GOLT1A: variants seen among roughly 807,000 people sequenced by gnomAD.
GOLT1A encodes the protein vesicle transport protein GOT1A.
A neutral mutation model predicts 16.1 loss-of-function variants in GOLT1A; 10 were observed. The ratio of observed to expected loss-of-function variants is 0.62; its 90% CI spans 0.38 to 1.05. GOLT1A has a LOEUF of 1.05. Ranked by LOEUF, GOLT1A falls within the 50% of genes least tolerant of loss-of-function variation. The probability of loss-of-function intolerance (pLI) is 0.01; values close to 1 mark genes in which losing one functional copy is unlikely to be tolerated. For missense variants in GOLT1A, 137 were observed against 165.7 expected (o/e 0.83, Z 0.95); for synonymous variants, 60 against 67.9 (o/e 0.88, Z 0.57).
chr1:204,202,670 C>T (rs564848094), intron 2 of GOLT1A, among the ~76,000 whole-genome samples: 1 of 152,234 alleles, frequency 6.6e-6, no homozygotes, highest in African/African-American at 2.4e-5. Flanking sequence ...TCCTCAGATT[C>T]TTGGTGCCAG....
chr1:204,208,317 C>T (rs578185043), intron 1 of GOLT1A, among the ~76,000 whole-genome samples: 1 of 146,880 alleles, frequency 6.8e-6, no homozygotes, highest in African/African-American at 2.6e-5. Context: ...TATACACACA[C>T]ATATACATAT....
chr1:204,207,766 C>T (rs1055435463), intron 1 of GOLT1A, among the ~76,000 whole-genome samples: 2 of 152,128 alleles, frequency 1.3e-5, no homozygotes, highest in Admixed American at 6.5e-5. Flanking sequence ...TTTTCTTGAA[C>T]CATTTGAAAG....
rs1207572209 is a variant in GOLT1A, at chr1:204,208,440, A to ATG, written c.25+5440_25+5441dup. Among the ~76,000 whole-genome samples the ATG allele has an allele frequency of 5.6e-4, 45 of 80,830 alleles. 1 individual carries two copies. Among genetic ancestry groups the ATG allele is most frequent in the Non-Finnish European group, 1.3e-3 (42 of 31,964 alleles). The allele number at this position is 80,830 out of a possible 152,430, so 53.0% of individuals were successfully genotyped here. ...TATACATATGTGTATATGTATACAT[A>ATG]TGTGTGTATATATGTATACTTGTGT... On this transcript the variant is annotated intron_variant, in intron 1 of 4. Transcript: ENST00000308302.
At chr1:204,198,715 A>G (rs1658903182) in intron 4 of GOLT1A, among the ~76,000 whole-genome samples, 1 of 152,100 alleles carries the variant, frequency 6.6e-6, no homozygotes, top group Admixed American at 6.5e-5. Flanking sequence ...CTTCAGAGAA[A>G]GGGATAAGGA....
chr1:204,200,521 T>A (rs1658940828), intron 3 of GOLT1A, among the ~76,000 whole-genome samples: 1 of 151,208 alleles, frequency 6.6e-6, no homozygotes, highest in African/African-American at 2.4e-5. Context: ...AGAAACAGGG[T>A]TTCACTATGT....
At chr1:204,205,010 G>A (rs1659018244) in intron 1 of GOLT1A, among the ~76,000 whole-genome samples, 1 of 152,110 alleles carries the variant, frequency 6.6e-6, no homozygotes, top group African/African-American at 2.4e-5. Flanking sequence ...TTTTTAAACA[G>A]GTTGTTCTTT....
At chr1:204,213,768 C>A in intron 1 of GOLT1A, 114 bp downstream of exon 1, 1 of 1,236,386 alleles carries the variant, frequency 8.1e-7, no homozygotes. Context: ...CATCTCCCAG[C>A]CCCTGGCTCC....
At chr1:204,206,327 C>T (rs563574059) in intron 1 of GOLT1A, among the ~76,000 whole-genome samples, 1 of 152,356 alleles carries the variant, frequency 6.6e-6, no homozygotes, top group South Asian at 2.1e-4. Flanking sequence ...TTGTTTCCTA[C>T]TTCTACCTCC....
At chr1:204,199,802 C>G (rs879619835) in intron 3 of GOLT1A, among the ~76,000 whole-genome samples, 1 of 152,186 alleles carries the variant, frequency 6.6e-6, no homozygotes, top group Non-Finnish European at 1.5e-5. Context: ...CAACCCTGCT[C>G]TCATCAAAGA....
In GOLT1A at chr1:204,198,236, C is replaced by T. The variant is rs1658892474; in HGVS notation, c.*222G>A. ...TAGAGTGAGGGTGTGATACCAGCCC[C>T]AGCCCAGTCTCCTTGGGGTCTGCAT... On this transcript the variant is annotated 3_prime_UTR_variant, in exon 5 of 5. Transcript: ENST00000308302. 1.8e-6 allele frequency: 1 copy of T among 552,370 alleles called. No homozygotes were observed. The highest frequency in any genetic ancestry group is 3.1e-5 in the East Asian group (1 of 31,852). The allele number at this position is 552,370 out of a possible 1,614,324, so 34.2% of individuals were successfully genotyped here. A position where few individuals can be genotyped will look rare whatever the true frequency, so the allele number is the denominator to read the frequency against.
intron 3 of GOLT1A, among the ~76,000 whole-genome samples, chr1:204,199,710 C>A (rs1444243503): frequency 6.6e-6 from 1 of 152,142 alleles, no homozygotes; most frequent in Non-Finnish European, 1.5e-5. Flanking sequence ...CCCTGGGCGT[C>A]GGGGGCTGTT....
chr1:204,204,074 G>C (rs59216987), intron 1 of GOLT1A, among the ~76,000 whole-genome samples: 1 of 152,076 alleles, frequency 6.6e-6, no homozygotes, highest in Admixed American at 6.5e-5. Flanking sequence ...ACTCAGAATT[G>C]TTCATTTTAC....
intron 1 of GOLT1A, among the ~76,000 whole-genome samples, chr1:204,209,820 C>T (rs567547454): frequency 4.6e-5 from 7 of 152,230 alleles, no homozygotes; most frequent in African/African-American, 9.6e-5. Context: ...TTTGGGACGC[C>T]GAGGTGGGTG....
chr1:204,203,049 C>A, intron 1 of GOLT1A, 62 bp from the exon 2 acceptor site: 1 of 1,328,862 alleles, frequency 7.5e-7, no homozygotes. Flanking sequence ...GACCCTGAAA[C>A]TTCCCCCATT....
Position 204,201,632 on chromosome 1 carries a change from C to T in GOLT1A, c.296+1G>A, listed in dbSNP as rs1658962825. The T allele has an allele frequency of 6.2e-7, 1 of 1,613,950 alleles. No homozygotes were observed. The highest frequency in any genetic ancestry group is 8.5e-7 in the Non-Finnish European group (1 of 1,179,912). ...CCAGGGTTATAGGGATTTGCACTCACTTAAAGAGGCTGAAGAATCCGTAGG... is the reference window on the plus strand; with the variant it reads ...CCAGGGTTATAGGGATTTGCACTCATTTAAAGAGGCTGAAGAATCCGTAGG... On this transcript the variant is annotated splice_donor_variant, in intron 3 of 4. Transcript: ENST00000308302. LOFTEE classifies it high-confidence loss of function.
intron 4 of GOLT1A, chr1:204,198,936 A>C: frequency 1.9e-6 from 1 of 533,470 alleles, no homozygotes; most frequent in Non-Finnish European, 3.4e-6. Flanking sequence ...TGTAAACAGG[A>C]AGCTATTCAT....
At chr1:204,208,356 GTATA>G (rs982359527) in intron 1 of GOLT1A, among the ~76,000 whole-genome samples, 7 of 131,380 alleles carry the variant, frequency 5.3e-5, no homozygotes, top group African/African-American at 2.1e-4. Flanking sequence ...ACACATGTAT[GTATA>G]TATGTGTGTA....
chr1:204,202,816 TA>T, intron 2 of GOLT1A, 79 bp downstream of exon 2: 1 of 993,198 alleles, frequency 1.0e-6, no homozygotes, highest in Non-Finnish European at 1.6e-6. Context: ...TGTAAGTCTT[TA>T]TTGCCAGGAC....
At chr1:204,201,275 GT>G (rs1658952862) in intron 3 of GOLT1A, among the ~76,000 whole-genome samples, 1 of 152,258 alleles carries the variant, frequency 6.6e-6, no homozygotes, top group African/African-American at 2.4e-5. Context: ...ATAGTGGGTT[GT>G]TGTGATAAAA....
Sources: gnomAD v4.1 joint callset for allele counts (sites outside exome capture counted in the v4.1 genomes callset) on GRCh38, gnomAD v4.1.1 for gene constraint, MANE v1.5 for transcripts, NCBI Gene and HGNC (gene_info 2026-07-23, HGNC 2026-07-21) for gene names.